Variants in CCDC7 observed in about 807,000 individuals in gnomAD.
CCDC7 encodes coiled-coil domain-containing protein 7.
In CCDC7, 183 loss-of-function variants were observed where a neutral mutation model predicts 196.9. The observed-to-expected ratio is 0.93, with a 90% CI of 0.82 to 1.05. The LOEUF is 1.05. Among genes scored for constraint, CCDC7 ranks in the 50% least tolerant of loss-of-function variants. The pLI is 0.00. For synonymous variants in CCDC7, 525 were observed against 484.6 expected, an observed-to-expected ratio of 1.08 and a Z score of -1.10; for missense variants, 1,540 against 1,482.2, an observed-to-expected ratio of 1.04 and a Z score of -0.64.
At chr10:32,724,860 C>A (rs1401377102) in intron 25 of CCDC7, among the ~76,000 whole-genome samples, 2 of 152,074 alleles carry the variant, frequency 1.3e-5, no homozygotes, top group African/African-American at 4.8e-5. Context: ...ACCTGCACAT[C>A]CCTACGGAGA....
intron 20 of CCDC7, among the ~76,000 whole-genome samples, chr10:32,647,400 C>G (rs115265321): frequency 0.035 from 4,241 of 121,472 alleles, 216 homozygotes; most frequent in African/African-American, 0.11. Context: ...TCCCAGCTAC[C>G]TGGGAGGCTC....
At chr10:32,785,565 A>G (rs2081726713) in intron 29 of CCDC7, among the ~76,000 whole-genome samples, 1 of 152,186 alleles carries the variant, frequency 6.6e-6, no homozygotes, top group Admixed American at 6.5e-5. Flanking sequence ...AGAAGATGAT[A>G]AAATCTGAAA....
At chr10:32,821,794 C>T (rs560294123) in intron 31 of CCDC7, among the ~76,000 whole-genome samples, 1 of 151,874 alleles carries the variant, frequency 6.6e-6, no homozygotes, top group Non-Finnish European at 1.5e-5. Context: ...GGGAACATCA[C>T]ACACTGGGGC....
intron 28 of CCDC7, among the ~76,000 whole-genome samples, chr10:32,753,549 A>T (rs143372232): frequency 6.6e-6 from 1 of 152,248 alleles, no homozygotes; most frequent in East Asian, 1.9e-4. Context: ...TGGATTTCAA[A>T]CCCGGATAAT....
intron 3 of CCDC7, among the ~76,000 whole-genome samples, chr10:32,457,390 A>G (rs2034588508): frequency 6.6e-6 from 1 of 152,170 alleles, no homozygotes; most frequent in Non-Finnish European, 1.5e-5. Flanking sequence ...ATAGTAGTCC[A>G]TTCCCCCTAT....
At chr10:32,704,269 G>C (rs1469631116) in intron 24 of CCDC7, among the ~76,000 whole-genome samples, 1 of 152,138 alleles carries the variant, frequency 6.6e-6, no homozygotes, top group Non-Finnish European at 1.5e-5. Flanking sequence ...TTTGCCGGAG[G>C]TCCACTCCAG....
intron 29 of CCDC7, among the ~76,000 whole-genome samples, chr10:32,794,981 A>C (rs941774851): frequency 2.0e-5 from 3 of 151,960 alleles, no homozygotes. Context: ...GTGCTTGGCA[A>C]CCCCATGTAG....
At chr10:32,486,476 G>T (rs1300185709) in intron 8 of CCDC7, among the ~76,000 whole-genome samples, 4 of 149,674 alleles carry the variant, frequency 2.7e-5, no homozygotes, top group Non-Finnish European at 4.4e-5. Context: ...GTCTTTTAAT[G>T]GGAGCATTTA....
chr10:32,877,526 T>C (rs181010328), downstream of CCDC7, among the ~76,000 whole-genome samples: 10 of 152,222 alleles, frequency 6.6e-5, no homozygotes, highest in East Asian at 1.9e-3. Context: ...TGGGTGGTGA[T>C]TGTTAGGGTT....
At chr10:32,784,781 C>A (rs1276971608) in intron 29 of CCDC7, among the ~76,000 whole-genome samples, 1 of 152,130 alleles carries the variant, frequency 6.6e-6, no homozygotes, top group Non-Finnish European at 1.5e-5. Flanking sequence ...GAGAGTAGAT[C>A]TCCCGAGGTC....
At chr10:32,852,544 A>G (rs895869234) in intron 40 of CCDC7, among the ~76,000 whole-genome samples, 13 of 152,018 alleles carry the variant, frequency 8.6e-5, no homozygotes, top group African/African-American at 1.2e-4. Context: ...GTGCAGTGGC[A>G]TGATCTTGGC....
intron 11 of CCDC7, among the ~76,000 whole-genome samples, chr10:32,522,995 TG>T (rs925554905): frequency 6.6e-6 from 1 of 152,130 alleles, no homozygotes; most frequent in African/African-American, 2.4e-5. Flanking sequence ...TATTGATTTG[TG>T]GTTTTATTTC....
At position 32,630,870 on chromosome 10, in the gene CCDC7, G is replaced by T. The variant is rs967271311; in HGVS notation, c.1802-3384G>T. On this transcript the variant is annotated intron_variant, in intron 18 of 41. Coordinates refer to ENST00000639629, the Ensembl canonical transcript of CCDC7. ...TGAGTCTTCTTCCAGTCAGGAAATG[G>T]GGTCTACCCAACCTCTTGTGAGTTT... Among the ~76,000 whole-genome samples the T allele has an allele frequency of 3.3e-5, 5 of 152,230 alleles. No individual in the cohort carries two copies. The South Asian group carries it at 6.2e-4, about 19-fold the overall frequency.
intron 31 of CCDC7, among the ~76,000 whole-genome samples, chr10:32,817,166 T>G (rs910557422): frequency 1.3e-5 from 2 of 151,984 alleles, no homozygotes; most frequent in African/African-American, 4.8e-5. Flanking sequence ...CTGAAAACCA[T>G]GGCACGAGAA....
intron 13 of CCDC7, among the ~76,000 whole-genome samples, chr10:32,558,596 A>G (rs7097191): frequency 0.042 from 6,462 of 152,246 alleles, 459 homozygotes; most frequent in African/African-American, 0.15. Context: ...ATTGCCCTCA[A>G]ACTAAAAGCC....
At chr10:32,630,050 A>G (rs1590819874) in intron 18 of CCDC7, among the ~76,000 whole-genome samples, 1 of 152,306 alleles carries the variant, frequency 6.6e-6, no homozygotes, top group South Asian at 2.1e-4. Flanking sequence ...TTGGCTTGTT[A>G]GAAGCCAGAA....
chr10:32,602,226 T>C (rs929798929), intron 18 of CCDC7, among the ~76,000 whole-genome samples: 1 of 152,046 alleles, frequency 6.6e-6, no homozygotes, highest in South Asian at 2.1e-4. Flanking sequence ...TGCGAAGGTC[T>C]GCGGCTTCAC....
chr10:32,740,597 A>T (rs533662683), intron 28 of CCDC7, among the ~76,000 whole-genome samples: 1 of 152,310 alleles, frequency 6.6e-6, no homozygotes, highest in Admixed American at 6.5e-5. Flanking sequence ...ACTAATCCCT[A>T]TGTATACCAA....
intron 32 of CCDC7, among the ~76,000 whole-genome samples, chr10:32,832,755 A>G (rs962750396): frequency 1.3e-5 from 2 of 152,142 alleles, no homozygotes; most frequent in African/African-American, 4.8e-5. Flanking sequence ...AAATAATTCT[A>G]TTACATAATA....
Sources: allele counts gnomAD v4.1 joint callset (sites outside exome capture counted in the v4.1 genomes callset), GRCh38; gene constraint gnomAD v4.1.1; transcripts MANE v1.5; gene names NCBI Gene and HGNC (gene_info 2026-07-23, HGNC 2026-07-21).